DTHD1: variants seen among roughly 807,000 people sequenced by gnomAD.
DTHD1 encodes death domain containing 1.
DTHD1 carries 59 observed loss-of-function variants against 74.8 expected under a neutral mutation model. The observed-to-expected ratio is 0.79, with a 90% CI of 0.64 to 0.98. The LOEUF is 0.98. DTHD1 is among the 50% of genes least tolerant of loss of function. The pLI, the probability that DTHD1 is intolerant of heterozygous loss-of-function variation, is 0.00. For synonymous variants in DTHD1, 365 were observed against 371.1 expected (o/e 0.98, Z 0.19); for missense variants, 1,051 against 1,065.4 (o/e 0.99, Z 0.19).
chr4:36,325,246 C>T (rs992838792), intron 8 of DTHD1, among the ~76,000 whole-genome samples: 1 of 152,256 alleles, frequency 6.6e-6, no homozygotes, highest in African/African-American at 2.4e-5. Flanking sequence ...AAACCAGAGA[C>T]CCTTAGTTTT....
chr4:36,317,016 G>T (rs1376050050), intron 8 of DTHD1, among the ~76,000 whole-genome samples: 2 of 152,116 alleles, frequency 1.3e-5, no homozygotes, highest in Non-Finnish European at 2.9e-5. Flanking sequence ...GTATATTACA[G>T]TTTATTTCAG....
chr4:36,332,639 A>G (rs1036834422), intron 8 of DTHD1: 4 of 152,156 alleles, frequency 2.6e-5, no homozygotes, highest in Admixed American at 6.5e-5. Context: ...GCACATTACA[A>G]TGAGGGTGAG....
intron 3 of DTHD1, among the ~76,000 whole-genome samples, chr4:36,291,354 A>T (rs1229647939): frequency 6.6e-6 from 1 of 152,216 alleles, no homozygotes; most frequent in Non-Finnish European, 1.5e-5. Context: ...AATAGTGTCT[A>T]CCTGGTATGG....
At chr4:36,335,584 C>T (rs996932495) in intron 8 of DTHD1, among the ~76,000 whole-genome samples, 2 of 152,160 alleles carry the variant, frequency 1.3e-5, no homozygotes, top group African/African-American at 4.8e-5. Context: ...TGATGTCTAA[C>T]ATGTACAGGA....
chr4:36,282,040 T>A lies in DTHD1; in HGVS notation c.271+11T>A. The A allele has an allele frequency of 6.6e-7, 1 of 1,507,438 alleles. No homozygotes were observed. The highest frequency in any genetic ancestry group is 8.9e-7 in the Non-Finnish European group (1 of 1,122,844). 93.4% of individuals were successfully genotyped at this position (1,507,438 alleles called of 1,614,324 possible). ...GTGTCTCGAGAAAAGGCAAGTATTC[T>A]TTTTTTTAGTTTATTCTTTCTCTAA... On this transcript the variant is annotated intron_variant, in intron 1 of 9. Coordinates refer to ENST00000639862, the MANE Select transcript of DTHD1 (RefSeq NM_001170700.3).
intron 2 of DTHD1, among the ~76,000 whole-genome samples, chr4:36,287,791 A>G (rs2109446196): frequency 6.6e-6 from 1 of 152,310 alleles, no homozygotes; most frequent in African/African-American, 2.4e-5. Flanking sequence ...TTCTTTTGAT[A>G]ATTGTTTATA....
rs182653038 is a variant in DTHD1, at chr4:36,345,557, T to A, written c.*1733T>A. ...AGGGATTTAGATATCTATTCAGGTATATATCAAAAAAGGCGATTCCCATTT... is the reference window on the plus strand; with the variant it reads ...AGGGATTTAGATATCTATTCAGGTAAATATCAAAAAAGGCGATTCCCATTT... On this transcript the variant is annotated 3_prime_UTR_variant, in exon 10 of 10. Coordinates refer to ENST00000639862, the MANE Select transcript of DTHD1 (RefSeq NM_001170700.3). 1.3e-4 allele frequency: 20 copies of A among 152,292 alleles called. No homozygotes were observed. The East Asian group carries it at 3.9e-3, about 29-fold the overall frequency. The allele number at this position is 152,292 out of a possible 1,614,324, so 9.4% of individuals were successfully genotyped here. A position where few individuals can be genotyped will look rare whatever the true frequency, so the allele number is the denominator to read the frequency against.
chr4:36,316,722 G>A (rs1412629222), intron 8 of DTHD1, among the ~76,000 whole-genome samples: 1 of 152,180 alleles, frequency 6.6e-6, no homozygotes, highest in Non-Finnish European at 1.5e-5. Flanking sequence ...GGTCCCCACA[G>A]CATGTTGTTG....
At chr4:36,299,271 C>T (rs908824476) in intron 5 of DTHD1, among the ~76,000 whole-genome samples, 1 of 152,176 alleles carries the variant, frequency 6.6e-6, no homozygotes, top group Non-Finnish European at 1.5e-5. Flanking sequence ...GTTCACTAGG[C>T]ATCGTCTTTG....
chr4:36,286,743 C>T (rs1755737786), intron 2 of DTHD1, among the ~76,000 whole-genome samples: 1 of 152,150 alleles, frequency 6.6e-6, no homozygotes, highest in Admixed American at 6.5e-5. Flanking sequence ...GCATATTGCT[C>T]CCAGGCCACA....
rs1040447767 is a variant in DTHD1 at position 36,316,331 on chromosome 4, G to C, written c.2185G>C (p.Glu729Gln). Residue 729 changes from glutamate (E) to glutamine (Q), a missense_variant, in exon 8 of 10, where the codon GAA becomes CAA. By Grantham distance (29) the Glu-to-Gln change is conservative. Coordinates refer to ENST00000639862, the MANE Select transcript of DTHD1 (RefSeq NM_001170700.3). Reference protein sequence around the residue: ...RLELQIKEVDEFGNYSCPHYK... With the variant: ...RLELQIKEVDQFGNYSCPHYK... ...GGAACTCCAAATCAAAGAAGTGGAC[G>C]AATTTGGAAACTATAGTTGCCCTCA... 1 of 1,552,060 alleles carries C rather than the reference G, an allele frequency of 6.4e-7. No individual in the cohort carries two copies. Among genetic ancestry groups the C allele is most frequent in the Non-Finnish European group, 8.7e-7 (1 of 1,147,064 alleles).
rs115667941 is a variant in DTHD1, at chr4:36,329,730, A to G, written c.2341-9382A>G. On this transcript the variant is annotated intron_variant, in intron 8 of 9. Coordinates refer to ENST00000639862, the MANE Select transcript of DTHD1 (RefSeq NM_001170700.3). ...AAAAAGGAATCGAAACAGTGAAACAATGTTCTCTTTTTAAACTTTTCTCTA... is the reference window on the plus strand; with the variant it reads ...AAAAAGGAATCGAAACAGTGAAACAGTGTTCTCTTTTTAAACTTTTCTCTA... Among the ~76,000 whole-genome samples, 1,239 of 152,318 alleles carry G rather than the reference A, an allele frequency of 8.1e-3. 5 individuals are homozygous for G. Among genetic ancestry groups the G allele is most frequent in the Middle Eastern group, 0.024 (7 of 294 alleles).
chr4:36,311,743 TCCATCCTATTGGAGGGCAGCATTCAGTCC>T (rs1436069839), intron 7 of DTHD1: 2 of 151,848 alleles, frequency 1.3e-5, no homozygotes, highest in East Asian at 3.9e-4. Flanking sequence ...GCATTCAGTC[TCCATCCTATTGGAGGGCAGCATTCAGTCC>T]CCAGCACCTA....
At chr4:36,305,139 C>T (rs965688263) in intron 5 of DTHD1, among the ~76,000 whole-genome samples, 4 of 152,294 alleles carry the variant, frequency 2.6e-5, no homozygotes, top group African/African-American at 7.2e-5. Flanking sequence ...CAGCAGAAAG[C>T]AGAGTTAGAA....
intron 8 of DTHD1, among the ~76,000 whole-genome samples, chr4:36,318,260 TA>T: frequency 6.6e-6 from 1 of 152,220 alleles, no homozygotes; most frequent in Non-Finnish European, 1.5e-5. Flanking sequence ...AAGCTAGGAT[TA>T]TTAGTCAAAG....
chr4:36,302,299 G>C (rs899394296), intron 5 of DTHD1, among the ~76,000 whole-genome samples: 4 of 152,106 alleles, frequency 2.6e-5, no homozygotes, highest in African/African-American at 9.7e-5. Flanking sequence ...GAAGACTGAG[G>C]ACTACTTAGA....
At chr4:36,298,391 C>T (rs1756571137) in intron 5 of DTHD1, among the ~76,000 whole-genome samples, 1 of 152,134 alleles carries the variant, frequency 6.6e-6, no homozygotes. Context: ...AATTCATCTG[C>T]ACTTTTTGAC....
intron 7 of DTHD1, among the ~76,000 whole-genome samples, chr4:36,314,672 G>A (rs1181471653): frequency 6.6e-6 from 1 of 150,626 alleles, no homozygotes; most frequent in Non-Finnish European, 1.5e-5. Flanking sequence ...CAGCCTGGGT[G>A]ACAGAGTGAG....
At chr4:36,287,514 G>A (rs1165466430) in intron 2 of DTHD1, among the ~76,000 whole-genome samples, 3 of 152,152 alleles carry the variant, frequency 2.0e-5, no homozygotes, top group Non-Finnish European at 4.4e-5. Flanking sequence ...TAGTGGGATC[G>A]CTGGATTGAA....
Sources: gnomAD v4.1 joint callset for allele counts (sites outside exome capture counted in the v4.1 genomes callset) on GRCh38, gnomAD v4.1.1 for gene constraint, MANE v1.5 for transcripts, NCBI Gene and HGNC (gene_info 2026-07-23, HGNC 2026-07-21) for gene names.